The following RGS6 variants were observed in gnomAD, a reference collection of about 807,000 sequenced individuals.
RGS6 encodes the protein regulator of G protein signaling 6.
In RGS6, 30 loss-of-function variants were observed where a neutral mutation model predicts 78.5. The ratio of observed to expected loss-of-function variants is 0.38; its 90% CI spans 0.29 to 0.52. The LOEUF is 0.52. RGS6 is among the 20% of genes least tolerant of loss of function. The pLI is 0.85. For synonymous variants in RGS6, 206 were observed against 206.0 expected, an observed-to-expected ratio of 1.00 and a Z score of 0.00; for missense variants, 495 against 609.7, an observed-to-expected ratio of 0.81 and a Z score of 1.98.
At chr14:72,132,948 C>A (rs537385522) in intron 2 of RGS6, among the ~76,000 whole-genome samples, 1 of 151,862 alleles carries the variant, frequency 6.6e-6, no homozygotes, top group Non-Finnish European at 1.5e-5. Context: ...GAAATGTGTT[C>A]CATTAGATGT....
At chr14:72,157,793 A>T (rs542522633) in intron 2 of RGS6, among the ~76,000 whole-genome samples, 12 of 152,250 alleles carry the variant, frequency 7.9e-5, no homozygotes, top group African/African-American at 2.6e-4. Flanking sequence ...GGAACAATGT[A>T]AGTGAGTGTA....
intron 3 of RGS6, among the ~76,000 whole-genome samples, chr14:72,410,548 G>C (rs561940860): frequency 6.6e-6 from 1 of 152,152 alleles, no homozygotes; most frequent in African/African-American, 2.4e-5. Flanking sequence ...GGTTTCTTTT[G>C]CTGTGCAGAA....
chr14:71,884,327 A>T, the RGS6 span, among the ~76,000 whole-genome samples: 1 of 152,336 alleles, frequency 6.6e-6, no homozygotes, highest in African/African-American at 2.4e-5. Context: ...GAGAAATACA[A>T]ATCCTTACAC....
At chr14:72,027,312 G>A (rs751035720) in intron 2 of RGS6, among the ~76,000 whole-genome samples, 2 of 152,092 alleles carry the variant, frequency 1.3e-5, no homozygotes, top group African/African-American at 2.4e-5. Context: ...GAGGCTTAGG[G>A]TCAGGAGTGC....
Position 72,481,667 on chromosome 14 carries a change from G to C in RGS6, c.854+3338G>C, listed in dbSNP as rs566696704. ...GCAACCAAACTGCATTTCCTAGGCT[G>C]CCTTTTGCACCTGGAAGCAACACAA... is the stretch of plus-strand genomic sequence containing the variant. On this transcript the variant is annotated intron_variant, in intron 12 of 17. Transcript: ENST00000553525. Among the ~76,000 whole-genome samples, 29 of 152,252 alleles carry C rather than the reference G, an allele frequency of 1.9e-4. No homozygotes were observed. In the South Asian group the frequency reaches 6.0e-3, roughly 32 times the overall value.
intron 3 of RGS6, among the ~76,000 whole-genome samples, chr14:72,395,928 A>G (rs1342953375): frequency 6.6e-6 from 1 of 152,012 alleles, no homozygotes; most frequent in Non-Finnish European, 1.5e-5. Flanking sequence ...AATCCAGTCT[A>G]TCATTGTTGG....
intron 15 of RGS6, among the ~76,000 whole-genome samples, chr14:72,519,766 T>C (rs552272310): frequency 2.0e-4 from 30 of 152,298 alleles, no homozygotes; most frequent in Non-Finnish European, 3.7e-4. Context: ...TCAAGCACCA[T>C]ATTGACATGG....
intron 2 of RGS6, among the ~76,000 whole-genome samples, chr14:72,155,750 C>T (rs912192281): frequency 1.3e-5 from 2 of 152,230 alleles, no homozygotes; most frequent in Admixed American, 6.5e-5. Context: ...TTGGCAATTT[C>T]CCCTTCTAAT....
intron 2 of RGS6, among the ~76,000 whole-genome samples, chr14:72,052,966 T>TTTCTTTCG (rs1555454824): frequency 2.3e-5 from 1 of 44,276 alleles, no homozygotes; most frequent in Non-Finnish European, 3.6e-5. Context: ...TCTTTCTTTC[T>TTTCTTTCG]TTCTTTCTTT....
chr14:72,621,040 C>T, the RGS6 span, among the ~76,000 whole-genome samples: 8,454 of 151,792 alleles, frequency 0.056, 318 homozygotes, highest in Middle Eastern at 0.099. Flanking sequence ...ACTCAGGAGG[C>T]TGAGGCAGGA....
chr14:72,326,501 GTTGT>G (rs2073801872), intron 2 of RGS6, among the ~76,000 whole-genome samples: 1 of 151,944 alleles, frequency 6.6e-6, no homozygotes, highest in South Asian at 2.1e-4. Context: ...ACAAGATCTG[GTTGT>G]TTAAGTGTGT....
intron 2 of RGS6, among the ~76,000 whole-genome samples, chr14:72,283,062 A>C (rs546264593): frequency 3.3e-5 from 5 of 152,320 alleles, no homozygotes; most frequent in African/African-American, 9.6e-5. Context: ...TTCACTTAGC[A>C]TAGTGTCCTC....
At chr14:71,939,562 C>A (rs2152951876) in intron 1 of RGS6, among the ~76,000 whole-genome samples, 1 of 152,332 alleles carries the variant, frequency 6.6e-6, no homozygotes, top group Non-Finnish European at 1.5e-5. Context: ...AGGCAAATTG[C>A]TTCTAGTGGG....
intron 2 of RGS6, among the ~76,000 whole-genome samples, chr14:72,057,578 C>T (rs1343051494): frequency 6.6e-6 from 1 of 152,150 alleles, no homozygotes; most frequent in Non-Finnish European, 1.5e-5. Context: ...ATACTCGCTG[C>T]TGAGATACTT....
the RGS6 span, among the ~76,000 whole-genome samples, chr14:71,885,509 G>C: frequency 6.6e-6 from 1 of 152,226 alleles, no homozygotes; most frequent in Non-Finnish European, 1.5e-5. Context: ...TGTTTGTGGA[G>C]CTGGAGTGGT....
At chr14:71,878,916 T>C in the RGS6 span, among the ~76,000 whole-genome samples, 1 of 152,308 alleles carries the variant, frequency 6.6e-6, no homozygotes, top group South Asian at 2.1e-4. Context: ...GATGTACAAT[T>C]AGAGTCCCAC....
intron 2 of RGS6, among the ~76,000 whole-genome samples, chr14:72,088,703 G>A (rs999945284): frequency 5.5e-5 from 8 of 146,648 alleles, no homozygotes; most frequent in Admixed American, 1.4e-4. Context: ...GTCGTTTCCC[G>A]TTGCTCTTAG....
intron 2 of RGS6, among the ~76,000 whole-genome samples, chr14:72,036,616 G>A (rs770401136): frequency 6.6e-5 from 10 of 152,018 alleles, no homozygotes; most frequent in South Asian, 4.1e-4. Flanking sequence ...CCGACCCTAC[G>A]TCCCCTTTGG....
At chr14:72,191,410 C>G (rs563252362) in intron 2 of RGS6, among the ~76,000 whole-genome samples, 8 of 152,232 alleles carry the variant, frequency 5.3e-5, no homozygotes, top group African/African-American at 1.9e-4. Flanking sequence ...TGTATTAGTC[C>G]TTTCTCATGC....
Sources: allele counts gnomAD v4.1 joint callset (sites outside exome capture counted in the v4.1 genomes callset), GRCh38; gene constraint gnomAD v4.1.1; transcripts MANE v1.5; gene names NCBI Gene and HGNC (gene_info 2026-07-23, HGNC 2026-07-21).